TBC1D19: variants seen among roughly 807,000 people sequenced by gnomAD.
The protein encoded by TBC1D19 is TBC1 domain family, member 19.
Under a neutral mutation model 89.0 loss-of-function variants are expected in TBC1D19, and 60 were observed. The observed-to-expected ratio is 0.67, with a 90% confidence interval of 0.55 to 0.84. The LOEUF is 0.84. TBC1D19 is among the 40% of genes least tolerant of loss of function. The probability of loss-of-function intolerance (pLI) is 0.00; values close to 1 mark genes in which losing one functional copy is unlikely to be tolerated. For synonymous variants in TBC1D19, 189 were observed against 199.7 expected, an observed-to-expected ratio of 0.95 and a Z score of 0.45; for missense variants, 500 against 610.8, an observed-to-expected ratio of 0.82 and a Z score of 1.91.
At chr4:26,778,063 AAGGGG>A in the TBC1D19 span, among the ~76,000 whole-genome samples, 2 of 145,544 alleles carry the variant, frequency 1.4e-5, no homozygotes. Flanking sequence ...AGAAAAAAAG[AAGGGG>A]AGGGGAAGGG....
intron 7 of TBC1D19, among the ~76,000 whole-genome samples, chr4:26,651,619 C>T (rs1413876029): frequency 1.3e-5 from 2 of 152,104 alleles, no homozygotes; most frequent in African/African-American, 2.4e-5. Context: ...TGGGCTGAGA[C>T]GATGGGGTTT....
At chr4:26,843,633 T>C in the TBC1D19 span, among the ~76,000 whole-genome samples, 4 of 152,084 alleles carry the variant, frequency 2.6e-5, no homozygotes, top group South Asian at 6.3e-4. Flanking sequence ...AACAGAATCA[T>C]ATAATCTTGG....
the TBC1D19 span, among the ~76,000 whole-genome samples, chr4:26,834,252 T>A: frequency 6.6e-6 from 1 of 152,176 alleles, no homozygotes; most frequent in Non-Finnish European, 1.5e-5. Context: ...AATTACTCAG[T>A]AGTTCTTTAT....
intron 1 of TBC1D19, among the ~76,000 whole-genome samples, chr4:26,592,489 G>A (rs1739884237): frequency 6.6e-6 from 1 of 152,066 alleles, no homozygotes; most frequent in Non-Finnish European, 1.5e-5. Flanking sequence ...TCTGGCCAGG[G>A]CAATCAGGCA....
the TBC1D19 span, among the ~76,000 whole-genome samples, chr4:26,770,548 T>C: frequency 2.0e-5 from 3 of 152,086 alleles, no homozygotes; most frequent in African/African-American, 7.2e-5. Context: ...CCACCAATAA[T>C]TGATAAAGGG....
In TBC1D19 at chr4:26,672,173, G is replaced by A. The variant is rs772405320; in HGVS notation, c.689G>A (p.Arg230His). Residue 230 changes from arginine to histidine, a missense_variant, in exon 10 of 21, where the codon CGT becomes CAT. By Grantham distance (29) the Arg-to-His change is conservative. This residue lies in a region of TBC1D19 where 280 missense variants were observed against 291.7 expected (regional missense o/e 0.96). Coordinates refer to ENST00000264866, the MANE Select transcript of TBC1D19 (RefSeq NM_018317.4). ...GAACTTTTTGAAAATGAACATGTAC[G>A]TATTGGGCAAAAAGGTAAGCTTTTA... The part of the protein sequence containing the change: ...PPELFENEHV[R>H]IGQKVLAEQD... 83 of 1,288,252 alleles carry A rather than the reference G, an allele frequency of 6.4e-5. 1 individual carries two copies. The South Asian group carries it at 6.5e-4, about 10-fold the overall frequency. 79.8% of individuals were successfully genotyped at this position (1,288,252 alleles called of 1,614,324 possible).
the TBC1D19 span, among the ~76,000 whole-genome samples, chr4:26,821,929 A>G: frequency 2.0e-5 from 3 of 152,214 alleles, no homozygotes; most frequent in African/African-American, 4.8e-5. Flanking sequence ...TTTCCTTGAC[A>G]TTTTATGACA....
chr4:26,634,852 T>C (rs1743027234), intron 4 of TBC1D19, among the ~76,000 whole-genome samples: 1 of 152,128 alleles, frequency 6.6e-6, no homozygotes, highest in African/African-American at 2.4e-5. Context: ...CAGAATTTTT[T>C]CCAGTATATT....
chr4:26,579,644 A>C (rs1739031609), upstream of TBC1D19, among the ~76,000 whole-genome samples: 1 of 151,768 alleles, frequency 6.6e-6, no homozygotes, highest in African/African-American at 2.4e-5. Flanking sequence ...ATTTGTCCTA[A>C]TGCTCTCCCT....
At chr4:26,740,441 CA>C (rs1365693351) in intron 17 of TBC1D19, among the ~76,000 whole-genome samples, 2 of 152,116 alleles carry the variant, frequency 1.3e-5, no homozygotes, top group Non-Finnish European at 2.9e-5. Flanking sequence ...TAGTGAAAAT[CA>C]AGTATTGATT....
chr4:26,582,209 T>C (rs1016138277), upstream of TBC1D19, among the ~76,000 whole-genome samples: 3 of 152,180 alleles, frequency 2.0e-5, no homozygotes, highest in South Asian at 2.1e-4. Context: ...ATATTTAATT[T>C]ATTAATATAT....
chr4:26,837,743 G>T, the TBC1D19 span, among the ~76,000 whole-genome samples: 2 of 152,162 alleles, frequency 1.3e-5, no homozygotes, highest in Non-Finnish European at 1.5e-5. Flanking sequence ...GGCAAGAGTA[G>T]AGAAGCCAGA....
intron 3 of TBC1D19, among the ~76,000 whole-genome samples, chr4:26,620,297 T>C (rs1380894004): frequency 6.6e-6 from 1 of 152,226 alleles, no homozygotes; most frequent in African/African-American, 2.4e-5. Context: ...ATTACCCTGC[T>C]TTCATTTTCT....
At chr4:26,673,446 T>TACACACACACACACAC (rs61054571) in intron 10 of TBC1D19, among the ~76,000 whole-genome samples, 1,073 of 90,850 alleles carry the variant, frequency 0.012, 42 homozygotes, top group African/African-American at 0.044. Flanking sequence ...TATATATATA[T>TACACACACACACACAC]ACACACACAC....
intron 7 of TBC1D19, among the ~76,000 whole-genome samples, chr4:26,645,399 T>G (rs1743847419): frequency 6.6e-6 from 1 of 152,132 alleles, no homozygotes. Flanking sequence ...AAACAAGAAA[T>G]GGGGAAAGGA....
At chr4:26,590,817 T>G (rs1423983100) in intron 1 of TBC1D19, among the ~76,000 whole-genome samples, 5 of 132,578 alleles carry the variant, frequency 3.8e-5, no homozygotes, top group South Asian at 2.7e-4. Flanking sequence ...TTTTTTTTTT[T>G]TTTTTTTTTT....
At chr4:26,658,808 G>A (rs925773453) in intron 7 of TBC1D19, among the ~76,000 whole-genome samples, 3 of 152,158 alleles carry the variant, frequency 2.0e-5, no homozygotes, top group African/African-American at 7.2e-5. Flanking sequence ...CACATCCCTT[G>A]TAAATTGTAT....
the TBC1D19 span, among the ~76,000 whole-genome samples, chr4:26,838,656 G>A: frequency 3.9e-5 from 6 of 152,226 alleles, no homozygotes; most frequent in African/African-American, 1.4e-4. Flanking sequence ...GCGGGAGGGA[G>A]CAGACTTCCT....
the TBC1D19 span, among the ~76,000 whole-genome samples, chr4:26,792,178 T>A: frequency 3.9e-5 from 6 of 152,212 alleles, no homozygotes; most frequent in East Asian, 1.9e-4. Context: ...TTTTTTTTTT[T>A]ATCCTGGTTG....
Sources: gnomAD v4.1 joint callset for allele counts (sites outside exome capture counted in the v4.1 genomes callset) on GRCh38, gnomAD v4.1.1 for gene constraint, gnomAD v4.1.1 regional missense constraint, MANE v1.5 for transcripts, NCBI Gene and HGNC (gene_info 2026-07-23, HGNC 2026-07-21) for gene names.